COL4A1: variants seen among roughly 807,000 people sequenced by gnomAD.
COL4A1 encodes collagen alpha-1(IV) chain.
In COL4A1, 40 loss-of-function variants were observed where a neutral mutation model predicts 216.6. That is an observed-to-expected ratio of 0.18 (90% CI 0.14 to 0.24). The LOEUF is 0.24. Among genes scored for constraint, COL4A1 ranks in the 10% least tolerant of loss-of-function variants. COL4A1 has a pLI of 1.00. For missense variants in COL4A1, 1,628 were observed against 2,196.8 expected (o/e 0.74, Z 5.18); for synonymous variants, 839 against 810.7 (o/e 1.03, Z -0.59).
chr13:110,185,456 T>A (rs1176696586), intron 26 of COL4A1, among the ~76,000 whole-genome samples: 1 of 152,254 alleles, frequency 6.6e-6, no homozygotes, highest in African/African-American at 2.4e-5. Context: ...AGCTACTTTA[T>A]AAATAACTAT....
At chr13:110,245,712 C>T (rs1881772497) in intron 1 of COL4A1, among the ~76,000 whole-genome samples, 1 of 152,210 alleles carries the variant, frequency 6.6e-6, no homozygotes, top group Admixed American at 6.5e-5. Context: ...TGAATGCTTC[C>T]ATTGCCTGGG....
intron 20 of COL4A1, among the ~76,000 whole-genome samples, chr13:110,199,667 G>T (rs543784308): frequency 6.6e-6 from 1 of 152,182 alleles, no homozygotes; most frequent in Non-Finnish European, 1.5e-5. Flanking sequence ...GGCCACAGGC[G>T]AGCCCAGGGC....
intron 1 of COL4A1, among the ~76,000 whole-genome samples, chr13:110,248,188 G>C (rs1449377685): frequency 6.6e-6 from 1 of 152,170 alleles, no homozygotes; most frequent in East Asian, 1.9e-4. Context: ...CTTCCTCGGG[G>C]AGTCTTTTAA....
chr13:110,222,642 G>A (rs1388523885), intron 2 of COL4A1, among the ~76,000 whole-genome samples: 2 of 146,072 alleles, frequency 1.4e-5, no homozygotes, highest in Non-Finnish European at 3.0e-5. Context: ...GTGTGGTGGC[G>A]GGCACCTGTA....
chr13:110,253,180 C>T (rs11069836), intron 1 of COL4A1, among the ~76,000 whole-genome samples: 38,949 of 91,244 alleles, frequency 0.43, 11,630 homozygotes, highest in East Asian at 0.66. Flanking sequence ...ACTATATGTA[C>T]GTATGTATTA....
intron 1 of COL4A1, among the ~76,000 whole-genome samples, chr13:110,294,352 CA>C (rs2139315466): frequency 6.6e-6 from 1 of 152,350 alleles, no homozygotes; most frequent in South Asian, 2.1e-4. Context: ...ACAGTTGTGA[CA>C]CACAACATCC....
chr13:110,297,406 C>CACAATAAAGGAAT (rs143425706), intron 1 of COL4A1, among the ~76,000 whole-genome samples: 2,991 of 152,234 alleles, frequency 0.02, 101 homozygotes, highest in African/African-American at 0.07. Flanking sequence ...ACCTTCACAA[C>CACAATAAAGGAAT]ACAATAAAGG....
At chr13:110,303,396 T>C (rs1468239232) in intron 1 of COL4A1, among the ~76,000 whole-genome samples, 9 of 151,974 alleles carry the variant, frequency 5.9e-5, no homozygotes, top group Admixed American at 5.9e-4. Flanking sequence ...AACCCTGCCC[T>C]TCCAATTCTT....
At chr13:110,248,232 G>A (rs1017400361) in intron 1 of COL4A1, among the ~76,000 whole-genome samples, 16 of 152,288 alleles carry the variant, frequency 1.1e-4, no homozygotes, top group African/African-American at 3.8e-4. Flanking sequence ...AGCGTATGGA[G>A]GCAAGAGACT....
Position 110,253,806 on chromosome 13 carries a change from TATAATTATAC to T in COL4A1, c.85-11082_85-11073del, listed in dbSNP as rs1163344981. Among the ~76,000 whole-genome samples the T allele has an allele frequency of 2.0e-3, 244 of 124,020 alleles. 13 individuals are homozygous for T. Among genetic ancestry groups the T allele is most frequent in the Admixed American group, 0.014 (174 of 12,046 alleles). The allele number at this position is 124,020 out of a possible 152,430, so 81.4% of individuals were successfully genotyped here. A position where few individuals can be genotyped will look rare whatever the true frequency, so the allele number is the denominator to read the frequency against. ...ATACGTATAATTATACGTATATATGTATAATTATACGTATGTATGTATTATATATACGTAT... is the reference window on the plus strand; with the variant it reads ...ATACGTATAATTATACGTATATATGTGTATGTATGTATTATATATACGTAT... On this transcript the variant is annotated intron_variant, in intron 1 of 51. Coordinates refer to ENST00000375820, the MANE Select transcript of COL4A1 (RefSeq NM_001845.6).
At chr13:110,280,051 T>C (rs1191670392) in intron 1 of COL4A1, among the ~76,000 whole-genome samples, 1 of 152,256 alleles carries the variant, frequency 6.6e-6, no homozygotes, top group African/African-American at 2.4e-5. Context: ...TTATGAATAT[T>C]TTCTGTTTCT....
intron 41 of COL4A1, among the ~76,000 whole-genome samples, chr13:110,171,036 C>T (rs1594545347): frequency 6.6e-6 from 1 of 152,224 alleles, no homozygotes; most frequent in African/African-American, 2.4e-5. Context: ...TGTTTAAAGA[C>T]ATCTGCAGCA....
chr13:110,191,104 A>C (rs1440569683), intron 24 of COL4A1: 1 of 152,274 alleles, frequency 6.6e-6, no homozygotes, highest in Non-Finnish European at 1.5e-5. Context: ...ATTTATTTAG[A>C]TATATCTTAA....
At chr13:110,276,754 C>T (rs958776823) in intron 1 of COL4A1, among the ~76,000 whole-genome samples, 4 of 152,168 alleles carry the variant, frequency 2.6e-5, no homozygotes, top group Non-Finnish European at 5.9e-5. Flanking sequence ...TTTAATTCCA[C>T]GACTGCTACG....
At chr13:110,263,357 C>A (rs1471765481) in intron 1 of COL4A1, among the ~76,000 whole-genome samples, 1 of 152,192 alleles carries the variant, frequency 6.6e-6, no homozygotes, top group Admixed American at 6.5e-5. Flanking sequence ...ATGTCAAGCA[C>A]AAAACAGATT....
rs373225243 is a variant in COL4A1, at chr13:110,288,323, G to A, written c.84+18621C>T. On this transcript the variant is annotated intron_variant, in intron 1 of 51. Coordinates refer to ENST00000375820, the MANE Select transcript of COL4A1 (RefSeq NM_001845.6). ...TTAAGCCTGAGCGCAGCCTTGAATC[G>A]CTGCTACTATGAGCCTTGAAACTCA... 1.1e-4 allele frequency among the ~76,000 whole-genome samples: 17 copies of A among 151,496 alleles called. No individual in the cohort carries two copies. The East Asian group carries it at 1.2e-3, about 10-fold the overall frequency.
Position 110,296,655 on chromosome 13 carries a change from A to G in COL4A1, c.84+10289T>C, listed in dbSNP as rs188908426. ...GCTAGGCTTCCTTTAATTCCACTCAATTCTGATTCCATCTATCTGAAGACA... is the reference window on the plus strand; with the variant it reads ...GCTAGGCTTCCTTTAATTCCACTCAGTTCTGATTCCATCTATCTGAAGACA... On this transcript the variant is annotated intron_variant, in intron 1 of 51. Transcript: ENST00000375820. Among the ~76,000 whole-genome samples the G allele has an allele frequency of 3.9e-5, 6 of 152,258 alleles. No individual in the cohort carries two copies. In the East Asian group the frequency reaches 1.2e-3, roughly 29 times the overall value.
rs1303970828 is a variant in COL4A1, at chr13:110,261,035, T to TAAAAAA, written c.85-18302_85-18301insTTTTTT. Among the ~76,000 whole-genome samples, 29 of 42,140 alleles carry TAAAAAA rather than the reference T, an allele frequency of 6.9e-4. 1 individual carries two copies. In the East Asian group the frequency reaches 0.012, roughly 18 times the overall value. 27.6% of individuals were successfully genotyped at this position (42,140 alleles called of 152,430 possible). On this transcript the variant is annotated intron_variant, in intron 1 of 51. Transcript: ENST00000375820. Reference sequence around the variant, plus strand: ...CTGGGTGACAGAGCGAGACTCCGTCTCAAAAAAAAAAAAAAAAAAGGCCAA... The same window carrying TAAAAAA: ...CTGGGTGACAGAGCGAGACTCCGTCTAAAAAACAAAAAAAAAAAAAAAAAAGGCCAA...
intron 2 of COL4A1, among the ~76,000 whole-genome samples, chr13:110,222,494 C>A (rs1182737688): frequency 7.3e-6 from 1 of 136,786 alleles, no homozygotes; most frequent in East Asian, 1.9e-4. Flanking sequence ...CTTTTTCAGG[C>A]CGGGCGCGGT....
Sources: allele counts gnomAD v4.1 joint callset (sites outside exome capture counted in the v4.1 genomes callset), GRCh38; gene constraint gnomAD v4.1.1; transcripts MANE v1.5; gene names NCBI Gene and HGNC (gene_info 2026-07-23, HGNC 2026-07-21).